Variants in CSMD1 observed in about 807,000 individuals in gnomAD.
CSMD1 encodes CUB and sushi domain-containing protein 1.
In CSMD1, 213 loss-of-function variants were observed where a neutral mutation model predicts 417.5. The ratio of observed to expected loss-of-function variants is 0.51; its 90% CI spans 0.46 to 0.57. The LOEUF (loss-of-function observed/expected upper bound fraction) is 0.57. Ranked by LOEUF, CSMD1 falls within the 20% of genes least tolerant of loss-of-function variation. The probability of loss-of-function intolerance (pLI) is 0.00; values close to 1 mark genes in which losing one functional copy is unlikely to be tolerated. For synonymous variants in CSMD1, 2,862 were observed against 1,736.8 expected (o/e 1.65, Z -16.11); for missense variants, 6,923 against 4,529.7 (o/e 1.53, Z -15.17).
chr8:4,659,827 G>A (rs749589273), intron 1 of CSMD1, among the ~76,000 whole-genome samples: 10 of 151,922 alleles, frequency 6.6e-5, no homozygotes, highest in Non-Finnish European at 1.2e-4. Flanking sequence ...ATTAATCTAT[G>A]TAACCATCCA....
chr8:4,446,802 T>C (rs960551491), intron 2 of CSMD1, among the ~76,000 whole-genome samples: 1 of 149,214 alleles, frequency 6.7e-6, no homozygotes, highest in African/African-American at 2.5e-5. Flanking sequence ...TGTGTATTTT[T>C]AGTAGAGCCA....
At chr8:4,067,218 TC>T (rs1324661730) in intron 3 of CSMD1, among the ~76,000 whole-genome samples, 3 of 152,230 alleles carry the variant, frequency 2.0e-5, no homozygotes, top group African/African-American at 7.2e-5. Context: ...TCATCTTTTT[TC>T]TACATGAAGT....
chr8:3,434,613 C>T (rs181403018), intron 12 of CSMD1, among the ~76,000 whole-genome samples: 149 of 152,254 alleles, frequency 9.8e-4, no homozygotes, highest in African/African-American at 3.5e-3. Context: ...ATGAGGAAAT[C>T]CCATTTATTA....
At chr8:4,612,623 T>G (rs1801240745) in intron 2 of CSMD1, among the ~76,000 whole-genome samples, 1 of 152,046 alleles carries the variant, frequency 6.6e-6, no homozygotes. Context: ...AGGACAAGGG[T>G]AAGGCCACTC....
At chr8:3,383,157 GT>G (rs1810748001) in intron 18 of CSMD1, among the ~76,000 whole-genome samples, 1 of 152,118 alleles carries the variant, frequency 6.6e-6, no homozygotes, top group Non-Finnish European at 1.5e-5. Context: ...ATAAACATAA[GT>G]TTTTACTTTT....
At chr8:3,247,132 A>T (rs1799932921) in intron 26 of CSMD1, among the ~76,000 whole-genome samples, 1 of 152,146 alleles carries the variant, frequency 6.6e-6, no homozygotes, top group Non-Finnish European at 1.5e-5. Flanking sequence ...GTGATGTCTC[A>T]TTTGCCCCTA....
At position 3,884,592 on chromosome 8, in the gene CSMD1, G is replaced by T. The variant is rs112633705; in HGVS notation, c.818+113311C>A. Among the ~76,000 whole-genome samples, 1,303 of 152,144 alleles carry T rather than the reference G, an allele frequency of 8.6e-3. 14 individuals carry two copies. The highest frequency in any genetic ancestry group is 0.027 in the African/African-American group (1,115 of 41,504). The stretch of plus-strand genomic sequence containing the variant: ...TTGCACACATACACATGGAAACATC[G>T]GTGAGAAGTCATTTGTTCTGATTTG... On this transcript the variant is annotated intron_variant, in intron 5 of 69. Coordinates refer to ENST00000635120, the MANE Select transcript of CSMD1 (RefSeq NM_033225.6).
At chr8:3,706,604 A>G (rs12542491) in intron 7 of CSMD1, among the ~76,000 whole-genome samples, 58,040 of 152,014 alleles carry the variant, frequency 0.38, 11,413 homozygotes, top group East Asian at 0.55. Context: ...TCCTTATTAC[A>G]AAAGAAAAAA....
intron 3 of CSMD1, among the ~76,000 whole-genome samples, chr8:4,091,887 AACCGT>A (rs1800740524): frequency 6.6e-6 from 1 of 152,206 alleles, no homozygotes; most frequent in African/African-American, 2.4e-5. Flanking sequence ...GCATTGTAAG[AACCGT>A]ACAGAGTTTT....
chr8:3,926,359 G>C (rs1182579742), intron 5 of CSMD1, among the ~76,000 whole-genome samples: 1 of 151,710 alleles, frequency 6.6e-6, no homozygotes, highest in East Asian at 1.9e-4. Flanking sequence ...CTTATTTTAT[G>C]TTTTTTCACC....
At chr8:4,280,437 C>T (rs374512232) in intron 3 of CSMD1, among the ~76,000 whole-genome samples, 4 of 152,130 alleles carry the variant, frequency 2.6e-5, no homozygotes, top group Admixed American at 6.5e-5. Flanking sequence ...AATGTGCGAC[C>T]GGATACCAAT....
At chr8:3,002,340 G>A (rs1259291357) in intron 52 of CSMD1, among the ~76,000 whole-genome samples, 1 of 152,202 alleles carries the variant, frequency 6.6e-6, no homozygotes, top group East Asian at 1.9e-4. Context: ...GGGGGAGATG[G>A]AGCCATCGTT....
chr8:3,461,708 G>T (rs1816516172), intron 12 of CSMD1, among the ~76,000 whole-genome samples: 1 of 152,202 alleles, frequency 6.6e-6, no homozygotes, highest in Non-Finnish European at 1.5e-5. Context: ...AGGAGGACTG[G>T]CCCTAATCAG....
At position 4,354,011 on chromosome 8, in the gene CSMD1, C is replaced by A. The variant is rs189556785; in HGVS notation, c.415+65942G>T. On this transcript the variant is annotated intron_variant, in intron 3 of 69. Coordinates refer to ENST00000635120, the MANE Select transcript of CSMD1 (RefSeq NM_033225.6). ...CTAACACCTGCGTGGTTGTTCAGCA[C>A]ATTCTTCAGGCTTTTTCCTCTCCAT... Among the ~76,000 whole-genome samples, 3 of 152,342 alleles carry A rather than the reference C, an allele frequency of 2.0e-5. No homozygotes were observed. In the East Asian group the frequency reaches 5.8e-4, roughly 29 times the overall value.
chr8:4,193,446 C>T (rs958579530), intron 3 of CSMD1, among the ~76,000 whole-genome samples: 1 of 152,116 alleles, frequency 6.6e-6, no homozygotes, highest in Admixed American at 6.6e-5. Context: ...GTACCCATGC[C>T]AGGTCATGTT....
intron 5 of CSMD1, among the ~76,000 whole-genome samples, chr8:3,902,979 G>A (rs1239167287): frequency 6.6e-6 from 1 of 152,046 alleles, no homozygotes; most frequent in Non-Finnish European, 1.5e-5. Flanking sequence ...TCCTGAACAT[G>A]CATTGTTTTA....
chr8:4,524,993 G>C (rs1463976482), intron 2 of CSMD1, among the ~76,000 whole-genome samples: 1 of 152,002 alleles, frequency 6.6e-6, no homozygotes, highest in Non-Finnish European at 1.5e-5. Flanking sequence ...TTTTTACTAG[G>C]TTTGTGCAAA....
intron 3 of CSMD1, among the ~76,000 whole-genome samples, chr8:4,192,788 G>A (rs1470196189): frequency 6.6e-6 from 1 of 152,112 alleles, no homozygotes; most frequent in Non-Finnish European, 1.5e-5. Context: ...ATTTGTTTCA[G>A]GCTCAAACAC....
intron 3 of CSMD1, among the ~76,000 whole-genome samples, chr8:4,163,156 C>A (rs551586861): frequency 6.6e-6 from 1 of 152,178 alleles, no homozygotes; most frequent in East Asian, 1.9e-4. Context: ...TTGGTTGCTT[C>A]CAGATTTTGG....
Sources: allele counts gnomAD v4.1 joint callset (sites outside exome capture counted in the v4.1 genomes callset), GRCh38; gene constraint gnomAD v4.1.1; transcripts MANE v1.5; gene names NCBI Gene and HGNC (gene_info 2026-07-23, HGNC 2026-07-21).